BCKDHB: variants seen among roughly 807,000 people sequenced by gnomAD.
BCKDHB encodes 2-oxoisovalerate dehydrogenase subunit beta, mitochondrial.
Under a neutral mutation model 48.5 loss-of-function variants are expected in BCKDHB, and 41 were observed. The observed-to-expected ratio is 0.85, with a 90% CI of 0.66 to 1.10. The LOEUF (loss-of-function observed/expected upper bound fraction) is 1.10. Ranked by LOEUF, BCKDHB falls within the 50% of genes least tolerant of loss-of-function variation. The pLI is 0.00. For missense variants in BCKDHB, 496 were observed against 494.2 expected (o/e 1.00, Z -0.03); for synonymous variants, 201 against 174.8 (o/e 1.15, Z -1.18).
chr6:80,336,771 G>A (rs1485136069), intron 9 of BCKDHB, among the ~76,000 whole-genome samples: 1 of 151,954 alleles, frequency 6.6e-6, no homozygotes, highest in African/African-American at 2.4e-5. Flanking sequence ...AAAAGTGAGA[G>A]ACCTTATATC....
chr6:80,462,319 C>G, the BCKDHB span, among the ~76,000 whole-genome samples: 1 of 152,122 alleles, frequency 6.6e-6, no homozygotes, highest in African/African-American at 2.4e-5. Context: ...TCCCTAATGT[C>G]TTTCTCAATA....
At chr6:80,351,183 G>A (rs1219894834), downstream of BCKDHB, among the ~76,000 whole-genome samples, 4 of 152,004 alleles carry the variant, frequency 2.6e-5, no homozygotes, top group South Asian at 2.1e-4. Flanking sequence ...CTTCATATAG[G>A]GCTAAATTCC....
chr6:80,374,416 T>A, the BCKDHB span: 269 of 780,134 alleles, frequency 3.4e-4, no homozygotes, highest in African/African-American at 4.2e-3. Flanking sequence ...TTCTGTAAAG[T>A]GACATCTTTC....
At chr6:80,413,329 A>G in the BCKDHB span, among the ~76,000 whole-genome samples, 12 of 152,160 alleles carry the variant, frequency 7.9e-5, no homozygotes, top group Admixed American at 5.2e-4. Flanking sequence ...TCAGGCATAC[A>G]TGTGCAGGTT....
intron 8 of BCKDHB, among the ~76,000 whole-genome samples, chr6:80,205,241 T>C (rs890248667): frequency 2.6e-5 from 4 of 151,964 alleles, no homozygotes; most frequent in Admixed American, 2.0e-4. Context: ...GGGTTTTTTT[T>C]CCCCCAGAGT....
chr6:80,201,181 A>G (rs1774377276), intron 7 of BCKDHB, 150 bp downstream of exon 7: 1 of 715,210 alleles, frequency 1.4e-6, no homozygotes, highest in East Asian at 2.7e-5. Flanking sequence ...TTTTCCCTCA[A>G]CTTTATTGGT....
intron 6 of BCKDHB, among the ~76,000 whole-genome samples, chr6:80,191,823 T>G (rs1773907682): frequency 6.6e-6 from 1 of 152,176 alleles, no homozygotes; most frequent in Non-Finnish European, 1.5e-5. Context: ...TAACAACCCT[T>G]GGAAGCAGGA....
chr6:80,455,031 A>G, the BCKDHB span, among the ~76,000 whole-genome samples: 2 of 152,034 alleles, frequency 1.3e-5, no homozygotes, highest in Non-Finnish European at 2.9e-5. Context: ...CATATTTCCT[A>G]TTTTACACAG....
chr6:80,348,504 T>G (rs970551047), downstream of BCKDHB, among the ~76,000 whole-genome samples: 6 of 152,174 alleles, frequency 3.9e-5, no homozygotes, highest in Admixed American at 3.9e-4. Context: ...CACTGTGCAG[T>G]GTTAGCCACA....
At chr6:80,420,815 TC>T in the BCKDHB span, among the ~76,000 whole-genome samples, 1 of 152,234 alleles carries the variant, frequency 6.6e-6, no homozygotes, top group South Asian at 2.1e-4. Flanking sequence ...TTGGGCAGTG[TC>T]CCATAAGGTT....
chr6:80,463,490 T>C, the BCKDHB span, among the ~76,000 whole-genome samples: 1 of 152,190 alleles, frequency 6.6e-6, no homozygotes, highest in African/African-American at 2.4e-5. Flanking sequence ...GAGTGAAATT[T>C]ATCTCAAAGC....
intron 6 of BCKDHB, among the ~76,000 whole-genome samples, chr6:80,185,138 T>C (rs1773583385): frequency 6.6e-6 from 1 of 152,160 alleles, no homozygotes; most frequent in African/African-American, 2.4e-5. Context: ...TTTTTCTTTG[T>C]CTTTCGGTTA....
At chr6:80,338,472 C>A (rs1241943594) in intron 9 of BCKDHB, among the ~76,000 whole-genome samples, 1 of 152,152 alleles carries the variant, frequency 6.6e-6, no homozygotes, top group African/African-American at 2.4e-5. Flanking sequence ...TTCCTAGAGG[C>A]CTGAGTGCAT....
chr6:80,216,910 G>A (rs189890009), intron 8 of BCKDHB, among the ~76,000 whole-genome samples: 3 of 152,240 alleles, frequency 2.0e-5, no homozygotes, highest in Admixed American at 6.5e-5. Context: ...TTGAAACTGT[G>A]ATGTACAAAG....
At chr6:80,360,880 C>T in the BCKDHB span, among the ~76,000 whole-genome samples, 1 of 151,534 alleles carries the variant, frequency 6.6e-6, no homozygotes, top group Non-Finnish European at 1.5e-5. Flanking sequence ...TGGTACATGC[C>T]TGTAATCCCA....
chr6:80,197,013 T>G (rs1774161493), intron 6 of BCKDHB, among the ~76,000 whole-genome samples: 1 of 152,224 alleles, frequency 6.6e-6, no homozygotes, highest in African/African-American at 2.4e-5. Flanking sequence ...CCTAAGATTC[T>G]AATGTAATCA....
At chr6:80,270,552 T>G (rs976097778) in intron 8 of BCKDHB, among the ~76,000 whole-genome samples, 2 of 152,186 alleles carry the variant, frequency 1.3e-5, no homozygotes, top group Non-Finnish European at 2.9e-5. Flanking sequence ...CCTCTAGTTC[T>G]TGGTGTTTTA....
chr6:80,396,134 G>A, the BCKDHB span, among the ~76,000 whole-genome samples: 1 of 152,164 alleles, frequency 6.6e-6, no homozygotes, highest in Non-Finnish European at 1.5e-5. Flanking sequence ...AGTCCCCACT[G>A]GGGTATTGAC....
chr6:80,452,127 G>C, the BCKDHB span, among the ~76,000 whole-genome samples: 1 of 152,224 alleles, frequency 6.6e-6, no homozygotes, highest in South Asian at 2.1e-4. Flanking sequence ...AGAGGGGAGA[G>C]AGCAAGAGAG....
Sources: allele counts gnomAD v4.1 joint callset (sites outside exome capture counted in the v4.1 genomes callset), GRCh38; gene constraint gnomAD v4.1.1; transcripts MANE v1.5; gene names NCBI Gene and HGNC (gene_info 2026-07-23, HGNC 2026-07-21).